PRSS23: variants seen among roughly 807,000 people sequenced by gnomAD.
PRSS23 encodes the protein protease, serine 23.
Under a neutral mutation model 34.7 loss-of-function variants are expected in PRSS23, and 25 were observed. That is an observed-to-expected ratio of 0.72 (90% CI 0.53 to 1.01). The LOEUF (loss-of-function observed/expected upper bound fraction) is 1.01. Among genes scored for constraint, PRSS23 ranks in the 50% least tolerant of loss-of-function variants. PRSS23 has a pLI of 0.00. For missense variants in PRSS23, 445 were observed against 475.6 expected (o/e 0.94, Z 0.60); for synonymous variants, 176 against 186.6 (o/e 0.94, Z 0.46).
rs753702197 is a variant in PRSS23 at position 86,808,965 on chromosome 11, C to T, written c.*170C>T. The T allele has an allele frequency of 9.8e-6, 6 of 609,278 alleles. No homozygotes were observed. The highest frequency in any genetic ancestry group is 3.9e-4 in the Middle Eastern group (1 of 2,538). 37.7% of individuals were successfully genotyped at this position (609,278 alleles called of 1,614,324 possible). ...TACAATTGCAAGATGACTGGCTTTACTATTTGAAAACTGGTTTGTGTATCA... is the reference window on the plus strand; with the variant it reads ...TACAATTGCAAGATGACTGGCTTTATTATTTGAAAACTGGTTTGTGTATCA... On this transcript the variant is annotated 3_prime_UTR_variant, in exon 2 of 2. Transcript: ENST00000280258.
intron 2 of PRSS23, among the ~76,000 whole-genome samples, chr11:86,916,495 T>A (rs1476229710): frequency 6.6e-6 from 1 of 152,188 alleles, no homozygotes; most frequent in Non-Finnish European, 1.5e-5. Flanking sequence ...TTCATTTACT[T>A]TGGGTGGTTT....
intron 2 of PRSS23, chr11:86,951,007 G>GGGTT (rs1286059804): frequency 8.6e-6 from 8 of 931,510 alleles, no homozygotes; most frequent in Non-Finnish European, 1.2e-5. Context: ...GGGAGGCAGT[G>GGGTT]GGTTGACGGG....
rs554015539 is a variant in PRSS23 at position 86,809,691 on chromosome 11, A to G, written c.*896A>G. ...TGGCCACACTAAAAACAATCATAGC[A>G]TTTTACCCCTGGATTATAGCACATC... is the stretch of plus-strand genomic sequence containing the variant. On this transcript the variant is annotated 3_prime_UTR_variant, in exon 2 of 2. Transcript: ENST00000280258. 6.0e-6 allele frequency: 1 copy of G among 167,112 alleles called. No individual in the cohort carries two copies. The highest frequency in any genetic ancestry group is 2.4e-5 in the African/African-American group (1 of 41,576). The allele number at this position is 167,112 out of a possible 1,614,324, so 10.4% of individuals were successfully genotyped here.
At position 86,873,409 on chromosome 11, in the gene PRSS23, C is replaced by T. The variant is rs144801096; in HGVS notation, c.206+49816C>T. Among the ~76,000 whole-genome samples, 27 of 151,888 alleles carry T rather than the reference C, an allele frequency of 1.8e-4. No homozygotes were observed. The East Asian group carries it at 5.2e-3, about 29-fold the overall frequency. Reference sequence around the variant, plus strand: ...CCAGGTTCAAGTGACTCTCCTGCCTCAGCCTCCTACAGGCATGCACCACCA... The same window carrying T: ...CCAGGTTCAAGTGACTCTCCTGCCTTAGCCTCCTACAGGCATGCACCACCA... On this transcript the variant is annotated intron_variant, in intron 2 of 2. Coordinates refer to the PRSS23 transcript ENST00000533902.
At chr11:86,795,014 T>C (rs113132577) in intron 1 of PRSS23, among the ~76,000 whole-genome samples, 2 of 152,238 alleles carry the variant, frequency 1.3e-5, no homozygotes, top group African/African-American at 4.8e-5. Context: ...CTTCCTGAAT[T>C]CAATATTAAA....
intron 2 of PRSS23, among the ~76,000 whole-genome samples, chr11:86,905,986 A>G (rs1948938987): frequency 6.8e-6 from 1 of 148,134 alleles, no homozygotes; most frequent in African/African-American, 2.6e-5. Context: ...CACTGATGAC[A>G]TTCATTCACT....
chr11:86,899,832 T>TA (rs374256103), intron 2 of PRSS23, among the ~76,000 whole-genome samples: 27,513 of 144,428 alleles, frequency 0.19, 3,093 homozygotes, highest in African/African-American at 0.33. Flanking sequence ...CCCCATTTCT[T>TA]AAAAAAAAAA....
intron 2 of PRSS23, among the ~76,000 whole-genome samples, chr11:86,841,115 G>T (rs1321738958): frequency 2.0e-5 from 3 of 152,050 alleles, no homozygotes; most frequent in African/African-American, 7.2e-5. Flanking sequence ...TGAGGCAGGC[G>T]AATCACCTGA....
At chr11:86,844,764 C>G (rs182865660) in intron 2 of PRSS23, among the ~76,000 whole-genome samples, 2 of 152,132 alleles carry the variant, frequency 1.3e-5, no homozygotes, top group Admixed American at 1.3e-4. Flanking sequence ...TGGCATGTTG[C>G]TGGAAGGGAT....
intron 1 of PRSS23, among the ~76,000 whole-genome samples, chr11:86,822,853 A>G (rs573732298): frequency 1.3e-5 from 2 of 152,292 alleles, no homozygotes; most frequent in East Asian, 1.9e-4. Context: ...CAAGGAGGGA[A>G]TACAAAATCG....
At chr11:86,863,160 C>T (rs557009343) in intron 2 of PRSS23, among the ~76,000 whole-genome samples, 1 of 152,132 alleles carries the variant, frequency 6.6e-6, no homozygotes, top group East Asian at 1.9e-4. Context: ...TAATATCACA[C>T]TTGGTGTACA....
At chr11:86,829,848 A>T (rs1948336497) in intron 2 of PRSS23, among the ~76,000 whole-genome samples, 1 of 152,148 alleles carries the variant, frequency 6.6e-6, no homozygotes, top group Non-Finnish European at 1.5e-5. Flanking sequence ...TTCCTCTGGA[A>T]GTTTTGTCTC....
intron 2 of PRSS23, among the ~76,000 whole-genome samples, chr11:86,878,129 A>C (rs1948737454): frequency 6.6e-6 from 1 of 152,126 alleles, no homozygotes. Context: ...TCCAAAACTA[A>C]AATTGTTTTT....
chr11:86,861,403 A>G (rs1160195503), intron 2 of PRSS23, among the ~76,000 whole-genome samples: 2 of 151,918 alleles, frequency 1.3e-5, no homozygotes. Flanking sequence ...GGAGAGGATG[A>G]TATTACTCCC....
intron 1 of PRSS23, among the ~76,000 whole-genome samples, chr11:86,793,266 T>G (rs1343913311): frequency 6.6e-6 from 1 of 152,228 alleles, no homozygotes; most frequent in African/African-American, 2.4e-5. Flanking sequence ...ACTACCTTTT[T>G]TTACAGGCAA....
At chr11:86,812,390 A>G (rs1251478534), downstream of PRSS23, among the ~76,000 whole-genome samples, 1 of 152,204 alleles carries the variant, frequency 6.6e-6, no homozygotes, top group Non-Finnish European at 1.5e-5. Context: ...GTCATCGTAC[A>G]TACATGGCAG....
chr11:86,871,852 G>C (rs1223151135), intron 2 of PRSS23, among the ~76,000 whole-genome samples: 1 of 152,226 alleles, frequency 6.6e-6, no homozygotes, highest in Non-Finnish European at 1.5e-5. Flanking sequence ...TGTTCAGGCA[G>C]AAGGGTCAAC....
rs1949082431 is a variant in PRSS23 at position 86,926,454 on chromosome 11, T to A, written c.207-24762T>A. On this transcript the variant is annotated intron_variant, in intron 2 of 2. Coordinates refer to the PRSS23 transcript ENST00000533902. Reference sequence around the variant, plus strand: ...CTAATAAAAGATTTTTGGTTACCAGTTGCAAGACCCACCTGAAAGAGTTTA... The same window carrying A: ...CTAATAAAAGATTTTTGGTTACCAGATGCAAGACCCACCTGAAAGAGTTTA... Among the ~76,000 whole-genome samples the A allele has an allele frequency of 2.0e-5, 3 of 152,168 alleles. No homozygotes were observed. The South Asian group carries it at 6.2e-4, about 31-fold the overall frequency.
chr11:86,813,019 C>T (rs1948191026), downstream of PRSS23, among the ~76,000 whole-genome samples: 2 of 151,968 alleles, frequency 1.3e-5, no homozygotes, highest in Admixed American at 6.6e-5. Context: ...TCTCAGTGGG[C>T]TCATTTGAAG....
Sources: allele counts gnomAD v4.1 joint callset (sites outside exome capture counted in the v4.1 genomes callset), GRCh38; gene constraint gnomAD v4.1.1; transcripts MANE v1.5; gene names NCBI Gene and HGNC (gene_info 2026-07-23, HGNC 2026-07-21).